Variants in CTNND2 observed in about 807,000 individuals in gnomAD.
CTNND2 encodes the protein catenin delta-2.
CTNND2 carries 22 observed loss-of-function variants against 144.4 expected under a neutral mutation model. The ratio of observed to expected loss-of-function variants is 0.15; its 90% CI spans 0.11 to 0.22. The LOEUF is 0.22. Among genes scored for constraint, CTNND2 ranks in the 10% least tolerant of loss-of-function variants. The pLI is 1.00. For synonymous variants in CTNND2, 751 were observed against 695.6 expected (o/e 1.08, Z -1.25); for missense variants, 1,353 against 1,618.8 (o/e 0.84, Z 2.82).
chr5:11,855,949 A>G (rs1273741539), intron 1 of CTNND2, among the ~76,000 whole-genome samples: 2 of 152,230 alleles, frequency 1.3e-5, no homozygotes, highest in Non-Finnish European at 2.9e-5. Context: ...TGCTTTATCT[A>G]AGCTACTCAT....
chr5:11,558,341 C>CGTGTGT (rs59741742), intron 3 of CTNND2, among the ~76,000 whole-genome samples: 9,989 of 132,024 alleles, frequency 0.076, 473 homozygotes, highest in East Asian at 0.17. Context: ...GTGAGAAACA[C>CGTGTGT]GTGTGTGTGT....
chr5:11,577,501 A>G (rs924076931), intron 2 of CTNND2, among the ~76,000 whole-genome samples: 1 of 152,226 alleles, frequency 6.6e-6, no homozygotes, highest in African/African-American at 2.4e-5. Flanking sequence ...AGGAACTAGT[A>G]TTTGAGACGG....
intron 2 of CTNND2, among the ~76,000 whole-genome samples, chr5:11,651,023 A>C (rs1022645760): frequency 1.3e-5 from 2 of 152,224 alleles, no homozygotes; most frequent in Non-Finnish European, 2.9e-5. Flanking sequence ...GAGAAGCCAA[A>C]TGTTAATAGC....
intron 9 of CTNND2, among the ~76,000 whole-genome samples, chr5:11,316,353 G>A (rs923561577): frequency 1.3e-5 from 2 of 151,988 alleles, no homozygotes; most frequent in Admixed American, 6.6e-5. Context: ...AGCCTCCCGA[G>A]TAGCTGGGAC....
At chr5:11,064,490 A>G (rs1747338358) in intron 16 of CTNND2, among the ~76,000 whole-genome samples, 1 of 151,964 alleles carries the variant, frequency 6.6e-6, no homozygotes, top group African/African-American at 2.4e-5. Flanking sequence ...AGAAGAGAGG[A>G]GTCTGCAGAA....
intron 9 of CTNND2, among the ~76,000 whole-genome samples, chr5:11,282,008 T>C (rs1345525258): frequency 3.3e-5 from 5 of 152,136 alleles, no homozygotes; most frequent in Non-Finnish European, 7.3e-5. Context: ...GAAATCTAAT[T>C]TGGGCAGGGC....
At chr5:11,721,355 G>A (rs1786666132) in intron 2 of CTNND2, among the ~76,000 whole-genome samples, 1 of 150,476 alleles carries the variant, frequency 6.6e-6, no homozygotes, top group Non-Finnish European at 1.5e-5. Flanking sequence ...TATGGTATGT[G>A]AGTAAATCTC....
At chr5:11,470,978 A>ATT (rs1456986831) in intron 3 of CTNND2, among the ~76,000 whole-genome samples, 15 of 95,808 alleles carry the variant, frequency 1.6e-4, no homozygotes, top group South Asian at 1.0e-3. Context: ...ATATATATAT[A>ATT]TATTTTTTTT....
chr5:11,782,597 T>C (rs557334736), intron 1 of CTNND2, among the ~76,000 whole-genome samples: 1 of 152,322 alleles, frequency 6.6e-6, no homozygotes. Flanking sequence ...AGTGCTAAAA[T>C]AGTTTAATAA....
At chr5:11,767,925 T>C (rs1266434508) in intron 1 of CTNND2, among the ~76,000 whole-genome samples, 3 of 13,028 alleles carry the variant, frequency 2.3e-4, no homozygotes, top group South Asian at 0.062. Flanking sequence ...GTATATCTCA[T>C]AGTTTTGTCT....
Position 11,732,131 on chromosome 5 carries a change from T to A in CTNND2, c.174+5A>T, listed in dbSNP as rs1395592054. 6.2e-7 allele frequency: 1 copy of A among 1,612,110 alleles called. No homozygotes were observed. The highest frequency in any genetic ancestry group is 1.1e-5 in the South Asian group (1 of 90,934). Reference sequence around the variant, plus strand: ...CGCATATCACAAAAATGGGAATGTTTCTACCTGTTCTTTGACTGAGGCGAG... The same window carrying A: ...CGCATATCACAAAAATGGGAATGTTACTACCTGTTCTTTGACTGAGGCGAG... On this transcript the variant is annotated splice_donor_5th_base_variant and intron_variant, in intron 2 of 21. Coordinates refer to ENST00000304623, the MANE Select transcript of CTNND2 (RefSeq NM_001332.4).
chr5:11,275,349 A>G (rs1394469112), intron 9 of CTNND2, among the ~76,000 whole-genome samples: 2 of 152,324 alleles, frequency 1.3e-5, no homozygotes, highest in Middle Eastern at 3.4e-3. Flanking sequence ...ACTGGTAAGC[A>G]GTGATGTCAT....
chr5:11,455,785 GT>G (rs896951120), intron 3 of CTNND2, among the ~76,000 whole-genome samples: 58 of 151,258 alleles, frequency 3.8e-4, no homozygotes, highest in African/African-American at 1.1e-3. Context: ...ATAAAAGAAG[GT>G]TTTTTTTTCT....
At position 11,190,275 on chromosome 5, in the gene CTNND2, T is replaced by A. The variant is rs61751808; in HGVS notation, c.1975+9173A>T. On this transcript the variant is annotated intron_variant, in intron 11 of 21. Transcript: ENST00000304623. ...CCTCACTTGCTCTTCCCCTGAGAGG[T>A]AGAGGAACTTGTCCAAGGCACTAGT... Among the ~76,000 whole-genome samples, 1,187 of 152,268 alleles carry A rather than the reference T, an allele frequency of 7.8e-3. 9 individuals carry two copies. Among genetic ancestry groups the A allele is most frequent in the Admixed American group, 0.019 (287 of 15,292 alleles).
chr5:11,144,708 C>T (rs935522939), intron 12 of CTNND2, among the ~76,000 whole-genome samples: 3 of 152,206 alleles, frequency 2.0e-5, no homozygotes, highest in Middle Eastern at 3.4e-3. Flanking sequence ...GCCGTCTCAC[C>T]CCTTTTCTGG....
intron 16 of CTNND2, among the ~76,000 whole-genome samples, chr5:11,062,646 G>T (rs1747126282): frequency 6.6e-6 from 1 of 152,232 alleles, no homozygotes; most frequent in Admixed American, 6.5e-5. Context: ...TAGTTCCACT[G>T]GGGGCAGGCT....
chr5:11,864,674 A>G (rs1050274467), intron 1 of CTNND2, among the ~76,000 whole-genome samples: 2 of 152,008 alleles, frequency 1.3e-5, no homozygotes, highest in African/African-American at 4.8e-5. Flanking sequence ...TCTCCTTTGT[A>G]TTGTAAGATG....
Position 11,256,950 on chromosome 5 carries a change from C to T in CTNND2, c.1629-20127G>A, listed in dbSNP as rs535152972. On this transcript the variant is annotated intron_variant, in intron 9 of 21. Transcript: ENST00000304623. The stretch of plus-strand genomic sequence containing the variant: ...AAATGCTAATAGCACCCTTTTCCCC[C>T]AAGCTGTGACAACTAAAAAAAGTCC... 1.7e-4 allele frequency among the ~76,000 whole-genome samples: 26 copies of T among 152,264 alleles called. No individual in the cohort carries two copies. The East Asian group carries it at 4.1e-3, about 24-fold the overall frequency.
At chr5:11,369,285 A>T (rs1757250276) in intron 7 of CTNND2, among the ~76,000 whole-genome samples, 2 of 152,338 alleles carry the variant, frequency 1.3e-5, no homozygotes, top group South Asian at 4.1e-4. Context: ...GCATAAATTA[A>T]ATCTCCAAAT....
Sources: allele counts gnomAD v4.1 joint callset (sites outside exome capture counted in the v4.1 genomes callset), GRCh38; gene constraint gnomAD v4.1.1; transcripts MANE v1.5; gene names NCBI Gene and HGNC (gene_info 2026-07-23, HGNC 2026-07-21).